ZNF385B: variants seen among roughly 807,000 people sequenced by gnomAD.
ZNF385B encodes the protein zinc finger protein 385B, also known as zinc finger protein 533.
In ZNF385B, 23 loss-of-function variants were observed where a neutral mutation model predicts 39.2. That is an observed-to-expected ratio of 0.59 (90% CI 0.42 to 0.83). The LOEUF is 0.83. Ranked by LOEUF, ZNF385B falls within the 40% of genes least tolerant of loss-of-function variation. The pLI, the probability that ZNF385B is intolerant of heterozygous loss-of-function variation, is 0.00. For synonymous variants in ZNF385B, 205 were observed against 222.6 expected (o/e 0.92, Z 0.70); for missense variants, 552 against 598.9 (o/e 0.92, Z 0.82).
chr2:179,578,550 C>T (rs1283456297), intron 3 of ZNF385B, among the ~76,000 whole-genome samples: 1 of 152,064 alleles, frequency 6.6e-6, no homozygotes, highest in African/African-American at 2.4e-5. Context: ...ATCTACCTCA[C>T]TCATATACAC....
chr2:179,820,133 TTTC>T (rs1707318337), intron 1 of ZNF385B, among the ~76,000 whole-genome samples: 2 of 152,120 alleles, frequency 1.3e-5, no homozygotes, highest in African/African-American at 4.8e-5. Context: ...ATTGATGTGT[TTTC>T]TTAAGTGGTA....
chr2:179,666,298 C>T (rs1165055686), intron 3 of ZNF385B, among the ~76,000 whole-genome samples: 1 of 152,110 alleles, frequency 6.6e-6, no homozygotes, highest in African/African-American at 2.4e-5. Flanking sequence ...GAAGTCAAAA[C>T]TGCTGAAATA....
intron 3 of ZNF385B, among the ~76,000 whole-genome samples, chr2:179,765,743 C>G (rs1703652250): frequency 1.3e-5 from 2 of 152,114 alleles, no homozygotes; most frequent in Admixed American, 1.3e-4. Context: ...ATCTTACTGC[C>G]TTTGTGGACC....
At chr2:179,571,645 G>T (rs1022628796) in intron 3 of ZNF385B, among the ~76,000 whole-genome samples, 3 of 152,236 alleles carry the variant, frequency 2.0e-5, no homozygotes, top group Non-Finnish European at 4.4e-5. Flanking sequence ...AGTTAGGAAA[G>T]ATTCAGTTAC....
chr2:179,639,634 G>A (rs1196248856), intron 3 of ZNF385B, among the ~76,000 whole-genome samples: 1 of 152,074 alleles, frequency 6.6e-6, no homozygotes, highest in Non-Finnish European at 1.5e-5. Context: ...AAATTTAAGG[G>A]TAGAGGAAGG....
intron 3 of ZNF385B, among the ~76,000 whole-genome samples, chr2:179,670,751 G>A (rs1449252099): frequency 1.3e-5 from 2 of 152,252 alleles, no homozygotes; most frequent in African/African-American, 4.8e-5. Flanking sequence ...AATTTAGGGG[G>A]TACATACAGT....
intron 1 of ZNF385B, among the ~76,000 whole-genome samples, chr2:179,833,734 A>C (rs1401761570): frequency 6.6e-6 from 1 of 152,170 alleles, no homozygotes; most frequent in East Asian, 1.9e-4. Flanking sequence ...TTTAAATAAG[A>C]AAGGATGGGA....
intron 1 of ZNF385B, among the ~76,000 whole-genome samples, chr2:179,854,977 C>T (rs1684467987): frequency 6.6e-6 from 1 of 152,214 alleles, no homozygotes; most frequent in Non-Finnish European, 1.5e-5. Flanking sequence ...TACTCATCTA[C>T]AGTTCTTTCA....
intron 1 of ZNF385B, among the ~76,000 whole-genome samples, chr2:179,834,254 A>T (rs1294504969): frequency 1.3e-5 from 2 of 152,172 alleles, no homozygotes; most frequent in East Asian, 1.9e-4. Flanking sequence ...GTTTCTAAAT[A>T]CCACTCCCCA....
intron 3 of ZNF385B, among the ~76,000 whole-genome samples, chr2:179,682,843 T>C (rs1169847819): frequency 6.6e-6 from 1 of 152,044 alleles, no homozygotes; most frequent in Non-Finnish European, 1.5e-5. Flanking sequence ...ACTTCACAGC[T>C]GAGATCACAG....
chr2:179,819,101 TG>T (rs1707249367), intron 1 of ZNF385B, among the ~76,000 whole-genome samples: 1 of 151,742 alleles, frequency 6.6e-6, no homozygotes, highest in African/African-American at 2.4e-5. Flanking sequence ...TAGAACTTAA[TG>T]TCACCTTGCT....
At chr2:179,769,350 C>T (rs1553528886) in intron 3 of ZNF385B, among the ~76,000 whole-genome samples, 153 bp downstream of exon 3, 1 of 152,166 alleles carries the variant, frequency 6.6e-6, no homozygotes, top group African/African-American at 2.4e-5. Context: ...AGGTGACAAA[C>T]AGCTCATGTA....
At chr2:179,525,389 T>C (rs1021475835) in intron 4 of ZNF385B, among the ~76,000 whole-genome samples, 1 of 152,138 alleles carries the variant, frequency 6.6e-6, no homozygotes, top group Non-Finnish European at 1.5e-5. Context: ...AAGCCATAAA[T>C]AAAAATTTGG....
chr2:179,700,321 C>T (rs139622308), intron 3 of ZNF385B, among the ~76,000 whole-genome samples: 1 of 152,266 alleles, frequency 6.6e-6, no homozygotes, highest in East Asian at 1.9e-4. Context: ...ATCCACATTC[C>T]ATCGCTCGTA....
chr2:179,608,001 G>A (rs955443648), intron 3 of ZNF385B, among the ~76,000 whole-genome samples: 3 of 142,350 alleles, frequency 2.1e-5, no homozygotes, highest in Non-Finnish European at 3.0e-5. Context: ...TGTAATCTCT[G>A]CCTCCTGGGT....
In ZNF385B at chr2:179,548,977, C is replaced by G. The variant is rs375175946; in HGVS notation, c.299-4008G>C. Among the ~76,000 whole-genome samples the G allele has an allele frequency of 1.7e-4, 26 of 149,628 alleles. 2 individuals are homozygous for G. The highest frequency in any genetic ancestry group is 5.8e-4 in the African/African-American group (23 of 39,786). ...CACTCCCCATTTCCTCCTAATATCC[C>G]TAGCTCCTGGCAACCACTAATCTAT... On this transcript the variant is annotated intron_variant, in intron 3 of 9. Coordinates refer to ENST00000410066, the MANE Select transcript of ZNF385B (RefSeq NM_152520.6).
At chr2:179,810,804 T>C (rs1191958000) in intron 1 of ZNF385B, among the ~76,000 whole-genome samples, 2 of 152,026 alleles carry the variant, frequency 1.3e-5, no homozygotes, top group African/African-American at 4.8e-5. Context: ...AATAACAAGA[T>C]AGTGCATAAA....
At chr2:179,788,076 A>G (rs1231098175) in intron 1 of ZNF385B, among the ~76,000 whole-genome samples, 1 of 152,198 alleles carries the variant, frequency 6.6e-6, no homozygotes, top group East Asian at 1.9e-4. Context: ...CTTTCTGATA[A>G]GCTTCTTCAG....
intron 4 of ZNF385B, among the ~76,000 whole-genome samples, chr2:179,533,279 T>A (rs1036479130): frequency 6.6e-6 from 1 of 152,188 alleles, no homozygotes; most frequent in Non-Finnish European, 1.5e-5. Context: ...GGAACTGATG[T>A]AAGATGTATC....
Sources: allele counts gnomAD v4.1 joint callset (sites outside exome capture counted in the v4.1 genomes callset), GRCh38; gene constraint gnomAD v4.1.1; transcripts MANE v1.5; gene names NCBI Gene and HGNC (gene_info 2026-07-23, HGNC 2026-07-21).